The following DMTF1 variants were observed in gnomAD, a reference collection of about 807,000 sequenced individuals.
The protein encoded by DMTF1 is cyclin D binding myb like transcription factor 1.
DMTF1 carries 39 observed loss-of-function variants against 91.1 expected under a neutral mutation model. The ratio of observed to expected loss-of-function variants is 0.43; its 90% confidence interval spans 0.33 to 0.56. The LOEUF is 0.56. Ranked by LOEUF, DMTF1 falls within the 20% of genes least tolerant of loss-of-function variation. The pLI is 0.05. For missense variants in DMTF1, 750 were observed against 914.5 expected (o/e 0.82, Z 2.32); for synonymous variants, 338 against 309.5 (o/e 1.09, Z -0.97).
intron 4 of DMTF1, 68 bp from the exon 5 acceptor site, chr7:87,170,927 T>G (rs1332751315): frequency 9.7e-7 from 1 of 1,029,770 alleles, no homozygotes; most frequent in Admixed American, 2.0e-5. Flanking sequence ...TTTTTTCCCA[T>G]GGATATTTTT....
intron 15 of DMTF1, 82 bp from the exon 16 acceptor site, chr7:87,193,643 A>C: frequency 7.8e-7 from 1 of 1,275,016 alleles, no homozygotes; most frequent in Non-Finnish European, 1.1e-6. Context: ...TTGAGAGGTA[A>C]GAGATGTGGG....
In DMTF1 at chr7:87,194,727, T is replaced by C. The variant is rs775552027; in HGVS notation, c.2072T>C (p.Ile691Thr). The C allele has an allele frequency of 2.5e-6, 4 of 1,611,072 alleles. No homozygotes were observed. The highest frequency in any genetic ancestry group is 1.7e-6 in the Non-Finnish European group (2 of 1,177,836). ...ATAGAAGAACAAGTTGATCAAACAA[T>C]TGATGATGAAACAATACTTATCGTT... ...PTIEEQVDQT[I>T]DDETILIVPS... is the part of the protein sequence containing the mutation. Residue 691 changes from isoleucine to threonine, a missense_variant, in exon 17 of 18, where the codon ATT (isoleucine) becomes ACT (threonine). Around this residue, in one of 3 missense-constraint regions of DMTF1, gnomAD observed 410 missense variants for 420.2 expected, o/e 0.98. Coordinates refer to ENST00000331242, the MANE Select transcript of DMTF1 (RefSeq NM_001142327.2).
Position 87,185,889 on chromosome 7 carries a change from A to T in DMTF1, c.1110A>T (p.Gly370=). Residue 370 remains glycine (G), a synonymous_variant, in exon 12 of 18, where the codon GGA becomes GGT. Transcript: ENST00000331242. ...TTAACTGGGATCTGTTAGCTGAGGG[A>T]TGGAGTAGTGTCCGTTCACCACAAT... ...NDINWDLLAE[G]WSSVRSPQWL... The T allele has an allele frequency of 6.2e-7, 1 of 1,613,930 alleles. No homozygotes were observed. Among genetic ancestry groups the T allele is most frequent in the Non-Finnish European group, 8.5e-7 (1 of 1,179,882 alleles).
At chr7:87,156,772 A>G (rs1357019513) in intron 1 of DMTF1, among the ~76,000 whole-genome samples, 2 of 152,156 alleles carry the variant, frequency 1.3e-5, no homozygotes, top group African/African-American at 4.8e-5. Flanking sequence ...CTTAAAATTT[A>G]TCTTCCAAAT....
At chr7:87,175,018 G>GTTTTT (rs1554341380) in intron 7 of DMTF1, among the ~76,000 whole-genome samples, 1 of 146,968 alleles carries the variant, frequency 6.8e-6, no homozygotes, top group Non-Finnish European at 1.5e-5. Flanking sequence ...GTTTTGTTTT[G>GTTTTT]TTTTTGTTTT....
At chr7:87,186,722 G>A (rs960225373) in intron 12 of DMTF1, 3 of 152,222 alleles carry the variant, frequency 2.0e-5, no homozygotes, top group African/African-American at 7.2e-5. Flanking sequence ...TAGCCTAGGA[G>A]CAATAGACTG....
At chr7:87,193,006 C>G in intron 14 of DMTF1, 192 bp from the exon 15 acceptor site, 1 of 584,706 alleles carries the variant, frequency 1.7e-6, no homozygotes, top group South Asian at 2.2e-5. Flanking sequence ...TAGAAATACA[C>G]AGGAGCAAAG....
rs1392301550 is a variant in DMTF1 at position 87,179,834 on chromosome 7, T to C, written c.677+132T>C. ...TTAATATTTTTATCCTCCAGGTCCA[T>C]GTTGTGAATATGGTGAAACCTTATT... On this transcript the variant is annotated intron_variant, in intron 8 of 17. Transcript: ENST00000331242. The C allele has an allele frequency of 3.7e-6, 3 of 812,038 alleles. No homozygotes were observed. In the African/African-American group the frequency reaches 5.5e-5, roughly 15 times the overall value. 50.3% of individuals were successfully genotyped at this position (812,038 alleles called of 1,614,324 possible).
At chr7:87,189,219 G>A (rs139669842) in intron 13 of DMTF1, among the ~76,000 whole-genome samples, 26 of 152,188 alleles carry the variant, frequency 1.7e-4, no homozygotes, top group Admixed American at 1.2e-3. Context: ...GTTGAGAATC[G>A]CAGAACCACA....
intron 7 of DMTF1, 30 bp downstream of exon 7, chr7:87,174,699 C>A: frequency 1.3e-6 from 2 of 1,523,112 alleles, no homozygotes; most frequent in Non-Finnish European, 1.8e-6. Flanking sequence ...TATGTTTCAC[C>A]AATTTGTTTA....
intron 3 of DMTF1, among the ~76,000 whole-genome samples, chr7:87,165,715 A>G (rs1422006005): frequency 5.9e-5 from 9 of 152,226 alleles, no homozygotes; most frequent in Admixed American, 3.9e-4. Flanking sequence ...CAATCCTTAC[A>G]TGTACTTCCT....
intron 1 of DMTF1, among the ~76,000 whole-genome samples, chr7:87,161,038 A>C (rs997843596): frequency 3.3e-5 from 5 of 152,050 alleles, no homozygotes; most frequent in Admixed American, 6.6e-5. Context: ...TATATCTTAT[A>C]TTATTAGTAT....
chr7:87,165,574 A>G (rs1793643812), intron 3 of DMTF1, among the ~76,000 whole-genome samples: 1 of 152,202 alleles, frequency 6.6e-6, no homozygotes, highest in Admixed American at 6.5e-5. Context: ...CACTCTGTAT[A>G]TAATTCATAG....
chr7:87,164,966 G>A lies in DMTF1; in HGVS notation c.25G>A (p.Asp9Asn). MSTVEEDS[D>N]TVTVETVNSV... ...TATGAGCACAGTGGAAGAGGATTCT[G>A]ACACAGTAACAGTAGAAACTGTGAA... is the stretch of plus-strand genomic sequence containing the variant. The change falls in exon 3 of 18, where the codon GAC becomes AAC. Residue 9 changes from aspartate to asparagine, a missense_variant. By Grantham distance (23) the Asp-to-Asn change is conservative. Transcript: ENST00000331242. The A allele has an allele frequency of 6.2e-7, 1 of 1,609,170 alleles. No homozygotes were observed.
intron 7 of DMTF1, among the ~76,000 whole-genome samples, chr7:87,176,125 A>G (rs1429410998): frequency 6.6e-6 from 1 of 152,242 alleles, no homozygotes; most frequent in East Asian, 1.9e-4. Flanking sequence ...ACTAATGTAG[A>G]AACGCAGTGC....
chr7:87,171,814 T>A (rs1321065095), intron 5 of DMTF1, among the ~76,000 whole-genome samples: 1 of 152,194 alleles, frequency 6.6e-6, no homozygotes, highest in African/African-American at 2.4e-5. Context: ...ATAGGTACCC[T>A]TCAAGGTACC....
chr7:87,156,509 A>G (rs1447354091), intron 1 of DMTF1, among the ~76,000 whole-genome samples: 2 of 152,150 alleles, frequency 1.3e-5, no homozygotes, highest in Non-Finnish European at 2.9e-5. Flanking sequence ...ACTTTTCCAC[A>G]AAGTATATAG....
At chr7:87,172,622 G>A (rs1192403635) in intron 5 of DMTF1, among the ~76,000 whole-genome samples, 1 of 96,484 alleles carries the variant, frequency 1.0e-5, no homozygotes, top group Non-Finnish European at 2.2e-5. Context: ...ACCTTCAGCC[G>A]GTGACATTGC....
At position 87,193,921 on chromosome 7, in the gene DMTF1, T is replaced by C; in HGVS notation, c.1847T>C (p.Ile616Thr). 6.2e-7 allele frequency: 1 copy of C among 1,613,354 alleles called. No homozygotes were observed. Among genetic ancestry groups the C allele is most frequent in the Non-Finnish European group, 8.5e-7 (1 of 1,179,620 alleles). ...ALEADTFPDE[I>T]HHPKMTVEPS... ...GAAGCAGACACTTTCCCAGATGAAA[T>C]TCATCACCCTAAGATGACTGTGGAG... The change falls in exon 16 of 18, where the codon ATT becomes ACT. Residue 616 changes from isoleucine (I) to threonine (T), a missense_variant. Physicochemically the swap from Ile to Thr is moderately conservative, Grantham distance 89. Transcript: ENST00000331242.
Sources: allele counts gnomAD v4.1 joint callset (sites outside exome capture counted in the v4.1 genomes callset), GRCh38; gene constraint gnomAD v4.1.1; regional missense constraint gnomAD v4.1.1; transcripts MANE v1.5; gene names NCBI Gene and HGNC (gene_info 2026-07-23, HGNC 2026-07-21).